The following SLC43A2 variants were observed in gnomAD, a reference collection of about 807,000 sequenced individuals.
SLC43A2 encodes solute carrier family 43 member 2, also known as large neutral amino acids transporter small subunit 4.
Under a neutral mutation model 63.2 loss-of-function variants are expected in SLC43A2, and 38 were observed. The observed-to-expected ratio is 0.60, with a 90% CI of 0.46 to 0.79. SLC43A2 has a LOEUF of 0.79. Ranked by LOEUF, SLC43A2 falls within the 30% of genes least tolerant of loss-of-function variation. The pLI is 0.00. For missense variants in SLC43A2, 644 were observed against 756.2 expected, an observed-to-expected ratio of 0.85 and a Z score of 1.74; for synonymous variants, 322 against 331.0, an observed-to-expected ratio of 0.97 and a Z score of 0.30.
At chr17:1,624,082 C>A (rs990789209) in intron 2 of SLC43A2, among the ~76,000 whole-genome samples, 51 of 152,252 alleles carry the variant, frequency 3.3e-4, no homozygotes, top group Non-Finnish European at 1.9e-4. Flanking sequence ...CCTCTGCACC[C>A]AGCACGGCAC....
chr17:1,589,971 C>A, intron 9 of SLC43A2, among the ~76,000 whole-genome samples: 1 of 152,182 alleles, frequency 6.6e-6, no homozygotes, highest in East Asian at 1.9e-4. Flanking sequence ...CCTTTGCTAT[C>A]TTTTCCTTTT....
intron 9 of SLC43A2, among the ~76,000 whole-genome samples, chr17:1,588,271 A>C (rs1361135678): frequency 6.6e-6 from 1 of 152,308 alleles, no homozygotes; most frequent in Non-Finnish European, 1.5e-5. Context: ...CTGTAACCCC[A>C]GCTACTTGGG....
intron 10 of SLC43A2, among the ~76,000 whole-genome samples, chr17:1,585,047 G>T (rs1381583961): frequency 1.3e-5 from 2 of 151,588 alleles, no homozygotes; most frequent in Non-Finnish European, 2.9e-5. Flanking sequence ...TGAATGCAAT[G>T]AATGAAAGTC....
chr17:1,628,798 C>T lies in SLC43A2; in HGVS notation c.-51G>A, dbSNP rs1405300379. The T allele has an allele frequency of 6.6e-6, 1 of 152,066 alleles. No homozygotes were observed. The highest frequency in any genetic ancestry group is 2.4e-5 in the African/African-American group (1 of 41,156). 9.4% of individuals were successfully genotyped at this position (152,066 alleles called of 1,614,324 possible). Reference sequence around the variant, plus strand: ...CCCCTCCCTGCTGCAGCTCACCCGGCTCCTCCGGCGTGTGTCGGGCCCGCC... The same window carrying T: ...CCCCTCCCTGCTGCAGCTCACCCGGTTCCTCCGGCGTGTGTCGGGCCCGCC... On this transcript the variant is annotated 5_prime_UTR_variant, in exon 1 of 14. Coordinates refer to ENST00000301335, the MANE Select transcript of SLC43A2 (RefSeq NM_152346.3).
In SLC43A2 at chr17:1,575,765, C is replaced by A; in HGVS notation, c.1549G>T (p.Val517Leu). The stretch of plus-strand genomic sequence containing the variant: ...CTGAGAAGGAGCAGCCCCACGTTCA[C>A]CTGGGGAGGCAGGGAGGCCGCGCAT... ...MGPLQGDPLW[V>L]NVGLLLLSLL... The change falls in exon 14 of 14, where the codon GTG becomes TTG. Residue 517 changes from valine to leucine, a missense_variant and splice_region_variant. Around this residue, in one of 3 missense-constraint regions of SLC43A2, gnomAD observed 105 missense variants for 101.7 expected, o/e 1.03. Transcript: ENST00000301335. 3 of 1,608,836 alleles carry A rather than the reference C, an allele frequency of 1.9e-6. No individual in the cohort carries two copies. The highest frequency in any genetic ancestry group is 2.5e-6 in the Non-Finnish European group (3 of 1,177,664).
rs781709945 is a variant in SLC43A2 at position 1,591,302 on chromosome 17, C to T, written c.898G>A (p.Asp300Asn). The change falls in exon 8 of 14, where the codon GAC becomes AAC. Residue 300 changes from aspartate (D) to asparagine (N), a missense_variant. This residue lies in a region of SLC43A2 where 528 missense variants were observed against 623.6 expected (regional missense o/e 0.85). Coordinates refer to ENST00000301335, the MANE Select transcript of SLC43A2 (RefSeq NM_152346.3). ...TCCGGCTGGCACTTCACCTCCAGGT[C>T]GACGGTGGACAGGCACAGCTTGTGG... ...EGHKLCLSTV[D>N]LEVKCQPDAA... is the part of the protein sequence containing the mutation. 93 of 1,606,744 alleles carry T rather than the reference C, an allele frequency of 5.8e-5. No homozygotes were observed. Among genetic ancestry groups the T allele is most frequent in the Non-Finnish European group, 7.3e-5 (86 of 1,179,932 alleles).
intron 5 of SLC43A2, chr17:1,604,454 C>T: frequency 2.1e-6 from 1 of 465,862 alleles, no homozygotes; most frequent in Non-Finnish European, 3.9e-6. Flanking sequence ...ATCAGCAGGA[C>T]ACTTTTGACC....
At chr17:1,627,442 C>A (rs1335201682) in intron 2 of SLC43A2, among the ~76,000 whole-genome samples, 6 of 152,174 alleles carry the variant, frequency 3.9e-5, no homozygotes, top group Non-Finnish European at 5.9e-5. Context: ...GGAAGGAACA[C>A]CCTGGACAGC....
chr17:1,599,265 A>AG (rs1905655257), intron 5 of SLC43A2, among the ~76,000 whole-genome samples: 2 of 151,164 alleles, frequency 1.3e-5, no homozygotes, highest in Non-Finnish European at 1.5e-5. Context: ...GCTTGAACCC[A>AG]GGGGGCAGAG....
chr17:1,593,390 T>C lies in SLC43A2; in HGVS notation c.502-111A>G. The C allele has an allele frequency of 1.1e-6, 1 of 944,614 alleles. No homozygotes were observed. Among genetic ancestry groups the C allele is most frequent in the Non-Finnish European group, 1.7e-6 (1 of 602,742 alleles). The allele number at this position is 944,614 out of a possible 1,614,324, so 58.5% of individuals were successfully genotyped here. Reference sequence around the variant, plus strand: ...AGGCCCCTTCTTCACCTGCGCCCCTTCCTGTGTGACTCACAGGGGCATTAG... The same window carrying C: ...AGGCCCCTTCTTCACCTGCGCCCCTCCCTGTGTGACTCACAGGGGCATTAG... On this transcript the variant is annotated intron_variant, in intron 5 of 13. Transcript: ENST00000301335. This position sits in a 1 kb window ranked among gnomAD's most constrained non-coding sequence, Gnocchi z 5.3.
At position 1,627,774 on chromosome 17, in the gene SLC43A2, C is replaced by A. The variant is rs2151086664; in HGVS notation, c.101G>T (p.Gly34Val). 6.3e-7 allele frequency: 1 copy of A among 1,598,574 alleles called. No homozygotes were observed. Among genetic ancestry groups the A allele is most frequent in the Non-Finnish European group, 8.5e-7 (1 of 1,172,868 alleles). ...TGACTTGAGCATGATGAGCAGCGAG[C>A]CCCAGCCCAGGAGGACTGCCGAGAA... ...LLFSAVLLGW[G>V]SLLIMLKSEG... is the part of the protein sequence containing the mutation. Residue 34 changes from glycine to valine, a missense_variant, in exon 2 of 14, where the codon GGC becomes GTC. Physicochemically the swap from Gly to Val is moderately radical, Grantham distance 109. Transcript: ENST00000301335.
rs911131897 is a variant in SLC43A2 at position 1,574,138 on chromosome 17, T to G, written c.*1466A>C. 1 of 152,364 alleles carries G rather than the reference T, an allele frequency of 6.6e-6. No individual in the cohort carries two copies. Among genetic ancestry groups the G allele is most frequent in the Admixed American group, 6.5e-5 (1 of 15,274 alleles). 9.4% of individuals were successfully genotyped at this position (152,364 alleles called of 1,614,324 possible). On this transcript the variant is annotated 3_prime_UTR_variant, in exon 14 of 14. Coordinates refer to ENST00000301335, the MANE Select transcript of SLC43A2 (RefSeq NM_152346.3). ...TGTAGGGATGGAAAGGGACCAGGAT[T>G]CGCCTGTTTGGCTGGGAAAATCGGT...
At chr17:1,580,700 T>C (rs918162603) in intron 11 of SLC43A2, among the ~76,000 whole-genome samples, 2 of 151,432 alleles carry the variant, frequency 1.3e-5, no homozygotes, top group African/African-American at 4.9e-5. Context: ...TAGCTGGGAT[T>C]ACAGGCATGT....
intron 13 of SLC43A2, among the ~76,000 whole-genome samples, chr17:1,576,024 G>T (rs2075922291): frequency 6.6e-6 from 1 of 151,856 alleles, no homozygotes; most frequent in South Asian, 2.1e-4. Context: ...CCTGGTACCT[G>T]GTGAGGAAAT....
chr17:1,622,190 GA>G (rs1908216842), intron 2 of SLC43A2, among the ~76,000 whole-genome samples: 1 of 152,248 alleles, frequency 6.6e-6, no homozygotes, highest in Admixed American at 6.5e-5. Context: ...CATTGCTATG[GA>G]ATTTTTAAAA....
chr17:1,585,543 G>A (rs747224537), intron 10 of SLC43A2: 15 of 620,358 alleles, frequency 2.4e-5, no homozygotes, highest in Non-Finnish European at 3.1e-5. Flanking sequence ...ACCCTCCCTG[G>A]CCAATTTTTA....
rs372188012 is a variant in SLC43A2, at chr17:1,615,024, C to T, written c.379G>A (p.Ala127Thr). The T allele has an allele frequency of 1.3e-4, 208 of 1,613,792 alleles. No homozygotes were observed. The highest frequency in any genetic ancestry group is 3.2e-4 in the Admixed American group (19 of 59,958). Residue 127 changes from alanine (A) to threonine (T), a missense_variant, in exon 4 of 14, where the codon GCG becomes ACG. Ala to Thr is a moderately conservative substitution (Grantham distance 58). Transcript: ENST00000301335. ...KLRLLGSACF[A>T]VSCLLIAYGA... ...TACGCAATCAGCAAGCAGGAAACCG[C>T]GAAGCAGGCGCTAAAACCAAGCAGA...
In SLC43A2 at chr17:1,593,493, A is replaced by G. The variant is rs1356430573; in HGVS notation, c.502-214T>C. Among the ~76,000 whole-genome samples, 1 of 152,176 alleles carries G rather than the reference A, an allele frequency of 6.6e-6. No individual in the cohort carries two copies. Among genetic ancestry groups the G allele is most frequent in the Non-Finnish European group, 1.5e-5 (1 of 68,030 alleles). On this transcript the variant is annotated intron_variant, in intron 5 of 13. Transcript: ENST00000301335. The surrounding 1 kb of genome is among the most constrained non-coding windows in gnomAD (Gnocchi z 5.3). The stretch of plus-strand genomic sequence containing the variant: ...ATGGGGCCAAGGAGGGAGGTAATGC[A>G]GAATACAAGCAGTTGTCTGACTTTC...
At position 1,601,249 on chromosome 17, in the gene SLC43A2, C is replaced by A. The variant is rs1008269803; in HGVS notation, c.502-7970G>T. On this transcript the variant is annotated intron_variant, in intron 5 of 13. Transcript: ENST00000301335. ...GTTCCACACGCTAATTTCAGGCTTG[C>A]GGACCATCAGCAAACTGCAATGAAA... Among the ~76,000 whole-genome samples the A allele has an allele frequency of 2.6e-5, 4 of 152,176 alleles. No homozygotes were observed. The East Asian group carries it at 7.7e-4, about 29-fold the overall frequency.
Sources: allele counts gnomAD v4.1 joint callset (sites outside exome capture counted in the v4.1 genomes callset), GRCh38; gene constraint gnomAD v4.1.1; regional missense constraint gnomAD v4.1.1; non-coding constraint Gnocchi (gnomAD v3.1); transcripts MANE v1.5; gene names NCBI Gene and HGNC (gene_info 2026-07-23, HGNC 2026-07-21).